The following DSC2 variants were observed in gnomAD, a reference collection of about 807,000 sequenced individuals.
DSC2 encodes desmocollin-2.
In DSC2, 51 loss-of-function variants were observed where a neutral mutation model predicts 87.6. That is an observed-to-expected ratio of 0.58 (90% CI 0.46 to 0.74). DSC2 has a LOEUF of 0.74. DSC2 is among the 30% of genes least tolerant of loss of function. The pLI, the probability that DSC2 is intolerant of heterozygous loss-of-function variation, is 0.00. For missense variants in DSC2, 1,066 were observed against 1,089.5 expected (o/e 0.98, Z 0.30); for synonymous variants, 383 against 393.2 (o/e 0.97, Z 0.31).
In DSC2 at chr18:31,093,652, T is replaced by C. The variant is rs752022380; in HGVS notation, c.70-9A>G. On this transcript the variant is annotated splice_polypyrimidine_tract_variant and intron_variant, in intron 1 of 15. Coordinates refer to ENST00000280904, the MANE Select transcript of DSC2 (RefSeq NM_024422.6). ...CTGGCAAATATTAAGATCTAAAAAA[T>C]GAAAAAAAATCAAATAAATATTATG... 7 of 1,553,550 alleles carry C rather than the reference T, an allele frequency of 4.5e-6. No individual in the cohort carries two copies. The highest frequency in any genetic ancestry group is 5.3e-6 in the Non-Finnish European group (6 of 1,142,808).
intron 3 of DSC2, 47 bp downstream of exon 3, chr18:31,092,054 C>A (rs745313949): frequency 6.5e-7 from 1 of 1,550,262 alleles, no homozygotes; most frequent in Non-Finnish European, 8.9e-7. Context: ...ATGTTGATTA[C>A]GTCTGAAGAA....
At chr18:31,101,093 G>T in intron 1 of DSC2, 1 of 677,868 alleles carries the variant, frequency 1.5e-6, no homozygotes, top group South Asian at 6.6e-5. Context: ...CGCGGGGGGC[G>T]GGTGGTGAGC....
At chr18:31,069,241 T>G (rs1013363349) in intron 14 of DSC2, 90 bp from the exon 15 acceptor site, 17 of 1,517,122 alleles carry the variant, frequency 1.1e-5, no homozygotes, top group African/African-American at 2.7e-5. Flanking sequence ...ATGCCTTTTT[T>G]TGTGTGTATG....
At position 31,102,014 on chromosome 18, in the gene DSC2, G is replaced by C; in HGVS notation, c.-43C>G. 7.1e-7 allele frequency: 1 copy of C among 1,415,586 alleles called. No individual in the cohort carries two copies. Among genetic ancestry groups the C allele is most frequent in the Admixed American group, 2.9e-5 (1 of 35,078 alleles). The allele number at this position is 1,415,586 out of a possible 1,614,324, so 87.7% of individuals were successfully genotyped here. A position where few individuals can be genotyped will look rare whatever the true frequency, so the allele number is the denominator to read the frequency against. The stretch of plus-strand genomic sequence containing the variant: ...GGTCGCGGGCCGAGCGTCGGGCCGG[G>C]GTAGGAGGGCTCCGCGGGGCGAGGG... On this transcript the variant is annotated 5_prime_UTR_variant, in exon 1 of 16. Transcript: ENST00000280904.
rs750910749 is a variant in DSC2 at position 31,089,420 on chromosome 18, C to A, written c.630+19G>T. On this transcript the variant is annotated intron_variant, in intron 5 of 15. Transcript: ENST00000280904. ...AAGCATCATCATTGCTAATACAGTA[C>A]ACACATTTTAGACTTTACCTCAAAA... 3.1e-6 allele frequency: 5 copies of A among 1,613,214 alleles called. No homozygotes were observed. Among genetic ancestry groups the A allele is most frequent in the Non-Finnish European group, 2.5e-6 (3 of 1,179,588 alleles).
chr18:31,063,471 C>G lies in DSC2; in HGVS notation c.*4544G>C, dbSNP rs1261984655. 6.6e-6 allele frequency: 1 copy of G among 152,000 alleles called. No individual in the cohort carries two copies. Among genetic ancestry groups the G allele is most frequent in the Non-Finnish European group, 1.5e-5 (1 of 68,020 alleles). 9.4% of individuals were successfully genotyped at this position (152,000 alleles called of 1,614,324 possible). A position where few individuals can be genotyped will look rare whatever the true frequency, so the allele number is the denominator to read the frequency against. On this transcript the variant is annotated 3_prime_UTR_variant, in exon 16 of 16. Coordinates refer to ENST00000280904, the MANE Select transcript of DSC2 (RefSeq NM_024422.6). Reference sequence around the variant, plus strand: ...GATGAAAACTTTACAGCCATGTGCTCTAGACACACAAATGTCTAGGCGGTA... The same window carrying G: ...GATGAAAACTTTACAGCCATGTGCTGTAGACACACAAATGTCTAGGCGGTA...
chr18:31,074,965 A>G (rs1046948570), intron 11 of DSC2, 58 bp from the exon 12 acceptor site: 3 of 1,505,926 alleles, frequency 2.0e-6, no homozygotes, highest in African/African-American at 2.8e-5. Flanking sequence ...CCACAAAAGT[A>G]TGCACTGAAC....
intron 14 of DSC2, among the ~76,000 whole-genome samples, chr18:31,069,746 T>C (rs546564111): frequency 6.7e-6 from 1 of 149,674 alleles, no homozygotes; most frequent in Non-Finnish European, 1.5e-5. Flanking sequence ...CTTAGAATAC[T>C]GTACAACTCT....
At chr18:31,074,196 TCTC>T (rs974950963) in intron 12 of DSC2, among the ~76,000 whole-genome samples, 2 of 152,124 alleles carry the variant, frequency 1.3e-5, no homozygotes, top group African/African-American at 4.8e-5. Context: ...CAATCCTACT[TCTC>T]CTCCTTTCAA....
rs768405529 is a variant in DSC2, at chr18:31,089,164, C to CAA, written c.630+273_630+274dup. Among the ~76,000 whole-genome samples the CAA allele has an allele frequency of 0.45, 45,875 of 102,482 alleles. 10,361 individuals are homozygous for CAA. Among genetic ancestry groups the CAA allele is most frequent in the East Asian group, 0.57 (2,125 of 3,710 alleles). 67.2% of individuals were successfully genotyped at this position (102,482 alleles called of 152,430 possible). The stretch of plus-strand genomic sequence containing the variant: ...TGGGTGGCAAAGTGAGATGCTGTCT[C>CAA]AAAAAAAAAAAAAAAAAAACTGTTC... On this transcript the variant is annotated intron_variant, in intron 5 of 15. Transcript: ENST00000280904.
At chr18:31,087,539 G>T (rs1006150078) in intron 6 of DSC2, 130 bp downstream of exon 6, 8 of 1,094,236 alleles carry the variant, frequency 7.3e-6, no homozygotes, top group Non-Finnish European at 8.1e-6. Flanking sequence ...GTGAAACACA[G>T]AGTAAAATTC....
At chr18:31,101,592 C>T (rs1987958216) in intron 1 of DSC2, 1 of 342,868 alleles carries the variant, frequency 2.9e-6, no homozygotes, top group Non-Finnish European at 5.3e-6. Context: ...CCCGGCGCAC[C>T]CTGCTCCCCG....
intron 4 of DSC2, among the ~76,000 whole-genome samples, 154 bp from the exon 5 acceptor site, chr18:31,089,748 G>A (rs1987530545): frequency 1.3e-5 from 2 of 152,022 alleles, no homozygotes; most frequent in Non-Finnish European, 2.9e-5. Flanking sequence ...GAATAAGAAA[G>A]TCCAATTGAG....
chr18:31,085,448 G>A (rs1023707113), intron 7 of DSC2, among the ~76,000 whole-genome samples: 3 of 151,244 alleles, frequency 2.0e-5, no homozygotes, highest in African/African-American at 4.8e-5. Flanking sequence ...CTGTTAACAT[G>A]TAATTAATTT....
chr18:31,098,422 T>C (rs1219148664), intron 1 of DSC2, among the ~76,000 whole-genome samples: 2 of 152,108 alleles, frequency 1.3e-5, no homozygotes, highest in Non-Finnish European at 2.9e-5. Flanking sequence ...CCATATACAA[T>C]GTTTATGGAG....
Position 31,060,293 on chromosome 18 carries a change from CT to C in DSC2, c.*7721del, listed in dbSNP as rs35521601. 0.66 allele frequency: 99,593 copies of C among 151,934 alleles called. 32,761 individuals carry two copies. Among genetic ancestry groups the C allele is most frequent in the East Asian group, 0.7 (3,622 of 5,166 alleles). 9.4% of individuals were successfully genotyped at this position (151,934 alleles called of 1,614,324 possible). ...TTTCATTGGTAATTCTGCATCACATCTTGTGTATATTGACACCCTCTGCTCC... is the reference window on the plus strand; with the variant it reads ...TTTCATTGGTAATTCTGCATCACATCTGTGTATATTGACACCCTCTGCTCC... On this transcript the variant is annotated 3_prime_UTR_variant, in exon 16 of 16. Coordinates refer to ENST00000280904, the MANE Select transcript of DSC2 (RefSeq NM_024422.6).
At chr18:31,092,896 A>C (rs1228393332) in intron 2 of DSC2, among the ~76,000 whole-genome samples, 1 of 152,204 alleles carries the variant, frequency 6.6e-6, no homozygotes, top group Non-Finnish European at 1.5e-5. Flanking sequence ...GAGGCATGTT[A>C]AATGTCTTTA....
rs1005510036 is a variant in DSC2, at chr18:31,086,561, T to C, written c.942+15A>G. ...TAGCCACGTTATAATCAGGTTTTATTAATGTTTATGTTACCTCTCTGTCTA... is the reference window on the plus strand; with the variant it reads ...TAGCCACGTTATAATCAGGTTTTATCAATGTTTATGTTACCTCTCTGTCTA... On this transcript the variant is annotated intron_variant, in intron 7 of 15. Coordinates refer to ENST00000280904, the MANE Select transcript of DSC2 (RefSeq NM_024422.6). 2 of 1,612,642 alleles carry C rather than the reference T, an allele frequency of 1.2e-6. No individual in the cohort carries two copies. The highest frequency in any genetic ancestry group is 1.7e-6 in the Non-Finnish European group (2 of 1,179,902).
rs994204641 is a variant in DSC2 at position 31,060,857 on chromosome 18, T to C, written c.*7158A>G. 1.3e-5 allele frequency: 2 copies of C among 152,198 alleles called. No individual in the cohort carries two copies. Among genetic ancestry groups the C allele is most frequent in the Admixed American group, 6.5e-5 (1 of 15,278 alleles). 9.4% of individuals were successfully genotyped at this position (152,198 alleles called of 1,614,324 possible). The stretch of plus-strand genomic sequence containing the variant: ...TTCTGAAATGCTTAATTTGCAGACA[T>C]TGTGAAATTTTACTCATCAATGTGT... On this transcript the variant is annotated 3_prime_UTR_variant, in exon 16 of 16. Transcript: ENST00000280904.
Sources: allele counts gnomAD v4.1 joint callset (sites outside exome capture counted in the v4.1 genomes callset), GRCh38; gene constraint gnomAD v4.1.1; transcripts MANE v1.5; gene names NCBI Gene and HGNC (gene_info 2026-07-23, HGNC 2026-07-21).